Variants in NXPE2 observed in about 807,000 individuals in gnomAD.
NXPE2 encodes the protein neurexophilin and PC-esterase domain family member 2.
NXPE2 carries 34 observed loss-of-function variants against 34.4 expected under a neutral mutation model. The observed-to-expected ratio is 0.99, with a 90% confidence interval of 0.75 to 1.31. The LOEUF is 1.31. Ranked by LOEUF, NXPE2 falls within the 40% of genes most tolerant of loss-of-function variation. The probability of loss-of-function intolerance (pLI) is 0.00; values close to 1 mark genes in which losing one functional copy is unlikely to be tolerated. For synonymous variants in NXPE2, 235 were observed against 231.3 expected, an observed-to-expected ratio of 1.02 and a Z score of -0.15; for missense variants, 649 against 672.5, an observed-to-expected ratio of 0.97 and a Z score of 0.39.
chr11:114,790,273 T>C, the NXPE2 span, among the ~76,000 whole-genome samples: 1 of 152,170 alleles, frequency 6.6e-6, no homozygotes, highest in African/African-American at 2.4e-5. Context: ...CCTGTTTCTC[T>C]CTCTGGTTAG....
upstream of NXPE2, among the ~76,000 whole-genome samples, chr11:114,677,239 T>G (rs1950868848): frequency 6.6e-6 from 1 of 152,060 alleles, no homozygotes; most frequent in Admixed American, 6.6e-5. Context: ...CTTTATTGCA[T>G]ACTTGAAAAT....
At chr11:114,683,582 A>G (rs1057455682) in intron 2 of NXPE2, among the ~76,000 whole-genome samples, 7 of 152,014 alleles carry the variant, frequency 4.6e-5, no homozygotes, top group African/African-American at 1.4e-4. Context: ...CACCAGGTCC[A>G]GCTAATTTTT....
chr11:114,540,928 C>G, the NXPE2 span, among the ~76,000 whole-genome samples: 3 of 121,268 alleles, frequency 2.5e-5, no homozygotes, highest in East Asian at 8.4e-4. Context: ...AACACAGTCA[C>G]TGGATGGAGG....
chr11:114,502,167 A>G, the NXPE2 span, among the ~76,000 whole-genome samples: 4 of 152,150 alleles, frequency 2.6e-5, no homozygotes, highest in African/African-American at 7.2e-5. Flanking sequence ...GAAATATGTG[A>G]CCATTTTATA....
the NXPE2 span, among the ~76,000 whole-genome samples, chr11:114,626,765 CT>C: frequency 6.6e-6 from 1 of 152,038 alleles, no homozygotes; most frequent in East Asian, 1.9e-4. Flanking sequence ...AAGTTGAAAA[CT>C]TTGAAAAAAA....
chr11:114,632,627 T>A, the NXPE2 span, among the ~76,000 whole-genome samples: 2 of 100,730 alleles, frequency 2.0e-5, no homozygotes, highest in South Asian at 5.3e-4. Flanking sequence ...TATATTTATA[T>A]ATAATAAATG....
chr11:114,624,888 A>C, the NXPE2 span, among the ~76,000 whole-genome samples: 2 of 152,130 alleles, frequency 1.3e-5, no homozygotes, highest in Non-Finnish European at 2.9e-5. Flanking sequence ...AACCTGGTGG[A>C]TAATAAGTGT....
the NXPE2 span, among the ~76,000 whole-genome samples, chr11:114,557,923 T>G: frequency 6.6e-6 from 1 of 151,928 alleles, no homozygotes; most frequent in African/African-American, 2.4e-5. Flanking sequence ...ATTTTTGTTT[T>G]TGGTGGTTAA....
At chr11:114,516,769 A>G in the NXPE2 span, among the ~76,000 whole-genome samples, 1 of 152,104 alleles carries the variant, frequency 6.6e-6, no homozygotes, top group Non-Finnish European at 1.5e-5. Context: ...TCCTTCTGGA[A>G]TGCTTTCCCA....
At chr11:114,544,348 T>C in the NXPE2 span, among the ~76,000 whole-genome samples, 1 of 152,194 alleles carries the variant, frequency 6.6e-6, no homozygotes, top group African/African-American at 2.4e-5. Context: ...GCTGCCGTTA[T>C]CAAGACAATG....
At chr11:114,653,777 C>T in the NXPE2 span, among the ~76,000 whole-genome samples, 1 of 152,036 alleles carries the variant, frequency 6.6e-6, no homozygotes, top group Admixed American at 6.5e-5. Flanking sequence ...ATCTGCCCAT[C>T]TCGGCCTCCC....
chr11:114,534,087 C>G, the NXPE2 span, among the ~76,000 whole-genome samples: 3 of 152,194 alleles, frequency 2.0e-5, no homozygotes, highest in African/African-American at 7.2e-5. Context: ...TGAGACAAAA[C>G]TTCCAGAGGA....
At chr11:114,482,487 A>G in the NXPE2 span, among the ~76,000 whole-genome samples, 1 of 152,180 alleles carries the variant, frequency 6.6e-6, no homozygotes, top group African/African-American at 2.4e-5. Flanking sequence ...ATGATTTTTT[A>G]TTTGGGATTT....
the NXPE2 span, among the ~76,000 whole-genome samples, chr11:114,546,796 C>T: frequency 3.3e-5 from 5 of 151,946 alleles, no homozygotes; most frequent in Non-Finnish European, 5.9e-5. Context: ...CTTGTAGTGT[C>T]GGAAAGCAAG....
the NXPE2 span, chr11:114,594,742 TATC>T: frequency 6.4e-7 from 1 of 1,558,206 alleles, no homozygotes; most frequent in Non-Finnish European, 8.8e-7. Context: ...ACTTATAATT[TATC>T]ATACTTATTT....
At chr11:114,654,883 G>A in the NXPE2 span, among the ~76,000 whole-genome samples, 1 of 152,146 alleles carries the variant, frequency 6.6e-6, no homozygotes, top group South Asian at 2.1e-4. Flanking sequence ...CTAGATCCTT[G>A]AGGAATCGCT....
At chr11:114,561,746 A>C in the NXPE2 span, among the ~76,000 whole-genome samples, 2 of 152,130 alleles carry the variant, frequency 1.3e-5, no homozygotes, top group Non-Finnish European at 2.9e-5. Context: ...GGTATTATGA[A>C]ATTTTATGCA....
chr11:114,500,413 T>C, the NXPE2 span, among the ~76,000 whole-genome samples: 1 of 152,122 alleles, frequency 6.6e-6, no homozygotes, highest in Non-Finnish European at 1.5e-5. Flanking sequence ...TACTTTTGTA[T>C]GATGAAAGGT....
At chr11:114,534,178 C>T in the NXPE2 span, among the ~76,000 whole-genome samples, 2 of 152,248 alleles carry the variant, frequency 1.3e-5, no homozygotes, top group Admixed American at 1.3e-4. Flanking sequence ...CAAACAAGGT[C>T]TGGAGTGGAC....
Sources: gnomAD v4.1 joint callset for allele counts (sites outside exome capture counted in the v4.1 genomes callset) on GRCh38, gnomAD v4.1.1 for gene constraint, MANE v1.5 for transcripts, NCBI Gene and HGNC (gene_info 2026-07-23, HGNC 2026-07-21) for gene names.